The following HS1BP3 variants were observed in gnomAD, a reference collection of about 807,000 sequenced individuals.
The protein encoded by HS1BP3 is HCLS1 binding protein 3.
In HS1BP3, 32 loss-of-function variants were observed where a neutral mutation model predicts 33.5. The ratio of observed to expected loss-of-function variants is 0.95; its 90% CI spans 0.72 to 1.28. HS1BP3 has a LOEUF of 1.28. Among genes scored for constraint, HS1BP3 ranks in the 50% most tolerant of loss-of-function variants. The pLI is 0.00. For missense variants in HS1BP3, 486 were observed against 502.3 expected (o/e 0.97, Z 0.31); for synonymous variants, 187 against 209.2 (o/e 0.89, Z 0.92).
Position 20,634,206 on chromosome 2 carries a change from C to T in HS1BP3, c.623+4230G>A, listed in dbSNP as rs1027280804. Among the ~76,000 whole-genome samples, 11 of 152,358 alleles carry T rather than the reference C, an allele frequency of 7.2e-5. No individual in the cohort carries two copies. The South Asian group carries it at 1.9e-3, about 26-fold the overall frequency. On this transcript the variant is annotated intron_variant, in intron 4 of 6. Transcript: ENST00000304031. The stretch of plus-strand genomic sequence containing the variant: ...CCCTGTGGGCGGCAGACTGTGGTGA[C>T]GGCTGACCTGCCACTCTCCACACCT...
At chr2:20,573,399 C>A (rs1386373382) in intron 5 of HS1BP3, among the ~76,000 whole-genome samples, 6 of 152,200 alleles carry the variant, frequency 3.9e-5, no homozygotes, top group African/African-American at 1.4e-4. Flanking sequence ...TCCACCACAA[C>A]CCGTGGTACT....
At chr2:20,619,668 TG>T (rs998166168) in intron 6 of HS1BP3, among the ~76,000 whole-genome samples, 2 of 152,252 alleles carry the variant, frequency 1.3e-5, no homozygotes, top group African/African-American at 4.8e-5. Flanking sequence ...AACGCCACTC[TG>T]GGGAGGCATG....
chr2:20,647,159 C>T (rs538470809), intron 1 of HS1BP3, among the ~76,000 whole-genome samples: 1 of 152,266 alleles, frequency 6.6e-6, no homozygotes, highest in African/African-American at 2.4e-5. Flanking sequence ...ATGGGCACCT[C>T]CCACGATCCA....
chr2:20,586,041 G>A (rs919405634), intron 5 of HS1BP3, among the ~76,000 whole-genome samples: 1 of 152,196 alleles, frequency 6.6e-6, no homozygotes, highest in African/African-American at 2.4e-5. Flanking sequence ...GCCATACACC[G>A]TGGCTGCACT....
downstream of HS1BP3, among the ~76,000 whole-genome samples, chr2:20,612,933 T>C (rs1694344191): frequency 6.6e-6 from 1 of 152,214 alleles, no homozygotes; most frequent in South Asian, 2.1e-4. Context: ...TCCACAGCCA[T>C]GGATTTTATA....
chr2:20,610,413 A>G (rs1409252287), intron 2 of HS1BP3, among the ~76,000 whole-genome samples: 3 of 151,978 alleles, frequency 2.0e-5, no homozygotes, highest in Admixed American at 2.0e-4. Context: ...TGATCTTTTT[A>G]TGGTCTCTGT....
intron 2 of HS1BP3, among the ~76,000 whole-genome samples, chr2:20,601,770 CTTT>C (rs35644786): frequency 0.019 from 1,327 of 68,962 alleles, 13 homozygotes; most frequent in South Asian, 0.12. Flanking sequence ...AGTGTGTCTT[CTTT>C]TTTTTTTTTT....
intron 5 of HS1BP3, among the ~76,000 whole-genome samples, chr2:20,561,287 G>T (rs778362981): frequency 1.3e-5 from 2 of 152,184 alleles, no homozygotes; most frequent in Non-Finnish European, 2.9e-5. Context: ...AGAGCCCTGA[G>T]GGTAGGCACT....
At chr2:20,565,330 C>T (rs2149270591) in intron 5 of HS1BP3, among the ~76,000 whole-genome samples, 1 of 152,306 alleles carries the variant, frequency 6.6e-6, no homozygotes, top group Admixed American at 6.5e-5. Context: ...ACTGTGGCTC[C>T]TCCACCAGAT....
intron 2 of HS1BP3, among the ~76,000 whole-genome samples, chr2:20,604,916 C>T (rs1279995342): frequency 2.0e-5 from 3 of 152,194 alleles, no homozygotes; most frequent in African/African-American, 7.2e-5. Context: ...CCCTAAACAC[C>T]AGATTCTCTG....
chr2:20,605,962 C>T (rs548518594), intron 2 of HS1BP3, among the ~76,000 whole-genome samples: 1 of 152,296 alleles, frequency 6.6e-6, no homozygotes, highest in African/African-American at 2.4e-5. Context: ...GGGGCATATA[C>T]CTAGGAGTGG....
the HS1BP3 span, among the ~76,000 whole-genome samples, chr2:20,555,163 T>TAA: frequency 3.3e-5 from 5 of 152,250 alleles, no homozygotes; most frequent in Admixed American, 6.5e-5. Flanking sequence ...TTAATGTTTC[T>TAA]TGACTTTCTC....
intron 2 of HS1BP3, among the ~76,000 whole-genome samples, chr2:20,609,164 C>T (rs1291051092): frequency 6.6e-6 from 1 of 152,204 alleles, no homozygotes. Flanking sequence ...AGGATGAGCA[C>T]CGTCCTTGGG....
At chr2:20,591,861 G>A (rs185784248), downstream of HS1BP3, among the ~76,000 whole-genome samples, 10 of 152,288 alleles carry the variant, frequency 6.6e-5, no homozygotes, top group East Asian at 1.7e-3. Context: ...ACCGCACCTG[G>A]CCCTGTGTGA....
rs76788621 is a variant in HS1BP3, at chr2:20,566,463, C to T, written c.303-5948G>A. Among the ~76,000 whole-genome samples, 229 of 152,318 alleles carry T rather than the reference C, an allele frequency of 1.5e-3. 5 individuals are homozygous for T. In the South Asian group the frequency reaches 0.04, roughly 26 times the overall value. ...ACACTGGGTCTCCTGTTCCCTGGCT[C>T]TCTGGTCAAGGAAGACAAGGAGGAG... On this transcript the variant is annotated intron_variant, in intron 5 of 5. Transcript: ENST00000446825.
At chr2:20,580,254 C>T (rs907287768) in intron 5 of HS1BP3, among the ~76,000 whole-genome samples, 1 of 152,240 alleles carries the variant, frequency 6.6e-6, no homozygotes, top group African/African-American at 2.4e-5. Context: ...TGTGGTGGCT[C>T]ATGCCTGTAA....
At chr2:20,646,989 A>G (rs1695538817) in intron 1 of HS1BP3, among the ~76,000 whole-genome samples, 1 of 152,228 alleles carries the variant, frequency 6.6e-6, no homozygotes, top group Non-Finnish European at 1.5e-5. Flanking sequence ...TCCAGAGCCC[A>G]GGTGGCCTCT....
At chr2:20,596,313 T>G (rs551369998) in intron 3 of HS1BP3, among the ~76,000 whole-genome samples, 2 of 152,234 alleles carry the variant, frequency 1.3e-5, no homozygotes, top group Non-Finnish European at 2.9e-5. Flanking sequence ...TGAATATTTG[T>G]GTTCCTCCAA....
rs560896195 is a variant in HS1BP3 at position 20,562,271 on chromosome 2, G to C, written c.303-1756C>G. 2.0e-5 allele frequency among the ~76,000 whole-genome samples: 3 copies of C among 152,240 alleles called. No individual in the cohort carries two copies. In the Middle Eastern group the frequency reaches 0.01, roughly 518 times the overall value. On this transcript the variant is annotated intron_variant, in intron 5 of 5. Coordinates refer to the HS1BP3 transcript ENST00000446825. ...AGGTGGGAAGAATGCTTGAAGCTAG[G>C]AGTTTGACACCAGCCTGGGCAACAT...
Sources: allele counts gnomAD v4.1 joint callset (sites outside exome capture counted in the v4.1 genomes callset), GRCh38; gene constraint gnomAD v4.1.1; transcripts MANE v1.5; gene names NCBI Gene and HGNC (gene_info 2026-07-23, HGNC 2026-07-21).